The following NSMAF variants were observed in gnomAD, a reference collection of about 807,000 sequenced individuals.
NSMAF encodes the protein protein FAN.
A neutral mutation model predicts 134.9 loss-of-function variants in NSMAF; 90 were observed. The observed-to-expected ratio is 0.67, with a 90% CI of 0.56 to 0.79. The LOEUF (loss-of-function observed/expected upper bound fraction) is 0.79, where lower values mean the gene tolerates loss of function less well. NSMAF is among the 30% of genes least tolerant of loss of function. The pLI is 0.00. For missense variants in NSMAF, 1,010 were observed against 1,119.0 expected, an observed-to-expected ratio of 0.90 and a Z score of 1.39; for synonymous variants, 358 against 389.6, an observed-to-expected ratio of 0.92 and a Z score of 0.96.
chr8:58,596,926 G>A (rs1266039269), intron 21 of NSMAF, among the ~76,000 whole-genome samples: 5 of 135,960 alleles, frequency 3.7e-5, no homozygotes, highest in African/African-American at 5.9e-5. Context: ...GCAAGACTCC[G>A]TCTCAAAAAA....
At chr8:58,641,808 A>G (rs1477635324) in intron 2 of NSMAF, among the ~76,000 whole-genome samples, 2 of 152,238 alleles carry the variant, frequency 1.3e-5, no homozygotes, top group Non-Finnish European at 2.9e-5. Context: ...ATCTTACCAG[A>G]TATTACCAAA....
intron 13 of NSMAF, among the ~76,000 whole-genome samples, chr8:58,602,351 T>C (rs1360262447): frequency 6.6e-6 from 1 of 152,194 alleles, no homozygotes; most frequent in African/African-American, 2.4e-5. Context: ...GAGCAATATC[T>C]CTAATTTGAC....
At chr8:58,659,501 T>C (rs1807810795) in intron 1 of NSMAF, 72 bp downstream of exon 1, 3 of 1,475,070 alleles carry the variant, frequency 2.0e-6, no homozygotes, top group Non-Finnish European at 2.7e-6. Flanking sequence ...GTCCCTCAGA[T>C]CTCCGGCCGG....
intron 2 of NSMAF, among the ~76,000 whole-genome samples, chr8:58,637,042 C>CACACACACACA (rs1563541180): frequency 3.4e-4 from 49 of 142,378 alleles, no homozygotes; most frequent in African/African-American, 1.3e-3. Flanking sequence ...ACACACACAC[C>CACACACACACA]CACACACAAA....
intron 6 of NSMAF, among the ~76,000 whole-genome samples, chr8:58,630,088 A>T (rs141793921): frequency 6.6e-6 from 1 of 152,160 alleles, no homozygotes; most frequent in South Asian, 2.1e-4. Context: ...CTTCCCAATC[A>T]TGTGGTGCTG....
In NSMAF at chr8:58,601,154, A is replaced by T. The variant is rs12056696; in HGVS notation, c.1280+131T>A. On this transcript the variant is annotated intron_variant, in intron 16 of 30. Transcript: ENST00000038176. ...ACATGTCTAGAAAAAGCCTGAGAGG[A>T]ATAGATAGAACAATTAGTGATTTTT... is the stretch of plus-strand genomic sequence containing the variant. The T allele has an allele frequency of 3.7e-4, 280 of 746,964 alleles. No homozygotes were observed. The East Asian group carries it at 5.1e-3, about 14-fold the overall frequency. 46.3% of individuals were successfully genotyped at this position (746,964 alleles called of 1,614,324 possible).
At chr8:58,633,961 T>C (rs369369799) in intron 5 of NSMAF, among the ~76,000 whole-genome samples, 7 of 152,268 alleles carry the variant, frequency 4.6e-5, no homozygotes, top group African/African-American at 1.7e-4. Context: ...AGTTATTAAA[T>C]TTTTACTAAA....
intron 6 of NSMAF, 75 bp from the exon 7 acceptor site, chr8:58,623,855 G>T: frequency 8.8e-7 from 1 of 1,142,064 alleles, no homozygotes; most frequent in Non-Finnish European, 1.3e-6. Flanking sequence ...AAGAACATGT[G>T]TACAGAACCT....
chr8:58,587,901 G>C (rs576231280), intron 26 of NSMAF, among the ~76,000 whole-genome samples, 200 bp from the exon 27 acceptor site: 1 of 152,266 alleles, frequency 6.6e-6, no homozygotes, highest in Admixed American at 6.5e-5. Flanking sequence ...TCCCTTGCTT[G>C]TACCTGTGTG....
intron 16 of NSMAF, 46 bp downstream of exon 16, chr8:58,601,239 C>T (rs1462684577): frequency 3.4e-6 from 5 of 1,455,156 alleles, no homozygotes; most frequent in Non-Finnish European, 4.8e-6. Flanking sequence ...TGTATATATA[C>T]AATCAGAAAG....
At position 58,609,603 on chromosome 8, in the gene NSMAF, C is replaced by T. The variant is rs775604759; in HGVS notation, c.687+1G>A. On this transcript the variant is annotated splice_donor_variant, in intron 10 of 30. Coordinates refer to ENST00000038176, the MANE Select transcript of NSMAF (RefSeq NM_003580.4). LOFTEE classifies it high-confidence loss of function. ...CCCACCTGACCCTGTGGTCTACACA[C>T]CGGGTAGCCGTTGAGGGGCTGAAAA... is the stretch of plus-strand genomic sequence containing the variant. 1 of 1,614,110 alleles carries T rather than the reference C, an allele frequency of 6.2e-7. No individual in the cohort carries two copies. The highest frequency in any genetic ancestry group is 2.2e-5 in the East Asian group (1 of 44,880).
intron 14 of NSMAF, among the ~76,000 whole-genome samples, chr8:58,601,762 C>G (rs1806286160): frequency 6.6e-6 from 1 of 152,092 alleles, no homozygotes; most frequent in African/African-American, 2.4e-5. Flanking sequence ...AAAATGTTGG[C>G]ACTAGATTAA....
At chr8:58,613,841 A>C (rs1029640374) in intron 9 of NSMAF, among the ~76,000 whole-genome samples, 2 of 152,150 alleles carry the variant, frequency 1.3e-5, no homozygotes, top group African/African-American at 4.8e-5. Flanking sequence ...TGCCTCCCTA[A>C]TCACAAAATC....
At chr8:58,626,545 A>G (rs1806935430) in intron 6 of NSMAF, among the ~76,000 whole-genome samples, 1 of 152,116 alleles carries the variant, frequency 6.6e-6, no homozygotes, top group South Asian at 2.1e-4. Flanking sequence ...CCATTATTTC[A>G]TTTTGTTTTA....
chr8:58,635,557 A>G lies in NSMAF; in HGVS notation c.150-11T>C. 2 of 1,539,022 alleles carry G rather than the reference A, an allele frequency of 1.3e-6. No individual in the cohort carries two copies. On this transcript the variant is annotated splice_polypyrimidine_tract_variant and intron_variant, in intron 2 of 30. Transcript: ENST00000038176. ...GAGCCTCTGATTTTCCTAGGGATCCAAGTACAACAGATTGTTTGATGAGCA... is the reference window on the plus strand; with the variant it reads ...GAGCCTCTGATTTTCCTAGGGATCCGAGTACAACAGATTGTTTGATGAGCA...
At chr8:58,600,465 A>C (rs1173609170) in intron 16 of NSMAF, among the ~76,000 whole-genome samples, 3 of 151,974 alleles carry the variant, frequency 2.0e-5, no homozygotes, top group Non-Finnish European at 2.9e-5. Context: ...TCTACTAAAA[A>C]TACAAAAATT....
chr8:58,608,239 C>T (rs974777549), intron 10 of NSMAF, among the ~76,000 whole-genome samples: 6 of 152,202 alleles, frequency 3.9e-5, no homozygotes, highest in Non-Finnish European at 7.3e-5. Flanking sequence ...TTAGTACTGA[C>T]ACACATCTTT....
chr8:58,607,463 C>T (rs368223350), intron 11 of NSMAF, among the ~76,000 whole-genome samples: 2 of 152,220 alleles, frequency 1.3e-5, no homozygotes, highest in Non-Finnish European at 2.9e-5. Flanking sequence ...GTTGGTTTTA[C>T]ACAGATCATT....
chr8:58,597,523 G>A lies in NSMAF; in HGVS notation c.1656C>T (p.Ala552=). 1.9e-6 allele frequency: 3 copies of A among 1,614,174 alleles called. No homozygotes were observed. Among genetic ancestry groups the A allele is most frequent in the Non-Finnish European group, 8.5e-7 (1 of 1,180,002 alleles). ...CAAATTCCAAGATTTGCGTAAGCAT[G>A]GCTACCTTCTCATCAGGATCCTGGA... ...NSIQDPDEKV[A]MLTQILEFGQ... The change falls in exon 21 of 31, where the codon GCC becomes GCT. Residue 552 remains alanine, a synonymous_variant. Transcript: ENST00000038176.
Sources: gnomAD v4.1 joint callset for allele counts (sites outside exome capture counted in the v4.1 genomes callset) on GRCh38, gnomAD v4.1.1 for gene constraint, MANE v1.5 for transcripts, NCBI Gene and HGNC (gene_info 2026-07-23, HGNC 2026-07-21) for gene names.